Variants in GRIN2B observed in about 807,000 individuals in gnomAD.
GRIN2B encodes glutamate ionotropic receptor NMDA type subunit 2B, also known as glutamate receptor ionotropic, NMDA 2B.
In GRIN2B, 5 loss-of-function variants were observed where a neutral mutation model predicts 114.5. The observed-to-expected ratio is 0.04, with a 90% CI of 0.02 to 0.09. The LOEUF is 0.09. Among genes scored for constraint, GRIN2B ranks in the 10% least tolerant of loss-of-function variants. GRIN2B has a pLI of 1.00. For missense variants in GRIN2B, 1,108 were observed against 1,943.5 expected, an observed-to-expected ratio of 0.57 and a Z score of 8.08; for synonymous variants, 787 against 745.1, an observed-to-expected ratio of 1.06 and a Z score of -0.92.
At chr12:13,592,435 T>TG (rs1565466542) in intron 10 of GRIN2B, among the ~76,000 whole-genome samples, 1 of 152,180 alleles carries the variant, frequency 6.6e-6, no homozygotes, top group Non-Finnish European at 1.5e-5. Flanking sequence ...GCAGACAGGC[T>TG]TCTCTCTGCT....
intron 4 of GRIN2B, among the ~76,000 whole-genome samples, chr12:13,701,322 A>G (rs7966866): frequency 0.85 from 129,828 of 151,908 alleles, 55,757 homozygotes; most frequent in East Asian, 1. Context: ...ACCAACTCTA[A>G]GAAACTTATG....
At chr12:13,651,754 G>C (rs555863478) in intron 5 of GRIN2B, among the ~76,000 whole-genome samples, 2 of 152,184 alleles carry the variant, frequency 1.3e-5, no homozygotes, top group South Asian at 4.1e-4. Context: ...CCAGTAAACA[G>C]AAATTAGTCC....
At chr12:13,928,302 C>CAAA (rs745858482) in intron 2 of GRIN2B, among the ~76,000 whole-genome samples, 1 of 88,054 alleles carries the variant, frequency 1.1e-5, no homozygotes, top group Non-Finnish European at 2.3e-5. Flanking sequence ...GACTTCATCT[C>CAAA]AAAAAAAAAA....
chr12:13,566,304 T>C (rs1050118705), intron 13 of GRIN2B, among the ~76,000 whole-genome samples: 5 of 152,200 alleles, frequency 3.3e-5, no homozygotes, highest in African/African-American at 1.2e-4. Context: ...GACATTTGAG[T>C]TCACCTCTCA....
At chr12:13,829,586 A>G (rs1447585110) in intron 3 of GRIN2B, among the ~76,000 whole-genome samples, 1 of 152,200 alleles carries the variant, frequency 6.6e-6, no homozygotes, top group African/African-American at 2.4e-5. Context: ...AGACCCAATG[A>G]TAATGCAGGT....
intron 10 of GRIN2B, among the ~76,000 whole-genome samples, chr12:13,591,100 A>G (rs1591626128): frequency 6.6e-6 from 1 of 152,134 alleles, no homozygotes; most frequent in Non-Finnish European, 1.5e-5. Flanking sequence ...GGGTCTAAGC[A>G]CTGCAACTCG....
intron 2 of GRIN2B, among the ~76,000 whole-genome samples, chr12:13,915,647 TTTTTA>T (rs773982182): frequency 2.0e-5 from 3 of 152,178 alleles, no homozygotes; most frequent in Non-Finnish European, 4.4e-5. Context: ...AGAAACTGAA[TTTTTA>T]TTTTATTTAA....
At chr12:13,858,173 A>G (rs1343687231) in intron 3 of GRIN2B, among the ~76,000 whole-genome samples, 1 of 152,234 alleles carries the variant, frequency 6.6e-6, no homozygotes. Context: ...CAATGAAAAC[A>G]TTAAATGAGA....
Position 13,554,529 on chromosome 12 carries a change from G to A in GRIN2B, c.*8254C>T, listed in dbSNP as rs1051161399. 1.3e-5 allele frequency: 2 copies of A among 152,130 alleles called. No individual in the cohort carries two copies. Among genetic ancestry groups the A allele is most frequent in the African/African-American group, 2.4e-5 (1 of 41,428 alleles). 9.4% of individuals were successfully genotyped at this position (152,130 alleles called of 1,614,324 possible). On this transcript the variant is annotated 3_prime_UTR_variant, in exon 14 of 14. Coordinates refer to ENST00000609686, the MANE Select transcript of GRIN2B (RefSeq NM_000834.5). ...AAACAAATGTTATTCAGCTTGTCTG[G>A]ATTATGGGACACACACATAGTCAAG...
intron 2 of GRIN2B, among the ~76,000 whole-genome samples, chr12:13,887,889 A>G (rs1436472332): frequency 1.3e-5 from 2 of 152,180 alleles, no homozygotes; most frequent in Non-Finnish European, 2.9e-5. Context: ...AAACTGTGTC[A>G]TGTCCTCAAA....
intron 4 of GRIN2B, among the ~76,000 whole-genome samples, chr12:13,737,455 C>T (rs907305736): frequency 2.6e-5 from 4 of 152,098 alleles, no homozygotes; most frequent in Admixed American, 2.6e-4. Context: ...TTGTGATCTG[C>T]CTGCCTCAGC....
intron 2 of GRIN2B, among the ~76,000 whole-genome samples, chr12:13,969,718 C>T (rs140490281): frequency 3.9e-5 from 6 of 152,216 alleles, no homozygotes; most frequent in Admixed American, 1.3e-4. Context: ...GTCTCAGTTG[C>T]GTAAATGCAG....
intron 2 of GRIN2B, among the ~76,000 whole-genome samples, chr12:13,875,937 C>T (rs749131374): frequency 1.8e-4 from 27 of 152,146 alleles, no homozygotes; most frequent in Non-Finnish European, 3.8e-4. Context: ...CTCCAAGCAG[C>T]CATTAGACTA....
chr12:13,951,954 T>C (rs1460302446), intron 2 of GRIN2B, among the ~76,000 whole-genome samples: 3 of 152,196 alleles, frequency 2.0e-5, no homozygotes, highest in African/African-American at 7.2e-5. Context: ...TTGCAATAGA[T>C]TAATACATTT....
intron 3 of GRIN2B, among the ~76,000 whole-genome samples, chr12:13,804,372 G>C (rs970993058): frequency 9.9e-5 from 15 of 151,792 alleles, no homozygotes; most frequent in African/African-American, 3.1e-4. Flanking sequence ...CTTTCATATA[G>C]TCTTATGCCT....
chr12:13,595,437 G>A (rs565086990), intron 10 of GRIN2B, among the ~76,000 whole-genome samples: 4 of 152,240 alleles, frequency 2.6e-5, no homozygotes, highest in African/African-American at 9.6e-5. Flanking sequence ...AGACCACAGG[G>A]ATATTTAAGA....
At chr12:13,763,806 A>G (rs1236347339) in intron 3 of GRIN2B, among the ~76,000 whole-genome samples, 2 of 152,148 alleles carry the variant, frequency 1.3e-5, no homozygotes, top group East Asian at 1.9e-4. Flanking sequence ...CTGCAATACA[A>G]ATTGTGTTCA....
chr12:13,978,370 TCTCA>T (rs1863067068), intron 2 of GRIN2B, among the ~76,000 whole-genome samples: 1 of 152,132 alleles, frequency 6.6e-6, no homozygotes, highest in Admixed American at 6.5e-5. Flanking sequence ...GATCCCACCC[TCTCA>T]CTCTGATTAC....
At chr12:13,874,007 C>T (rs1010311275) in intron 2 of GRIN2B, among the ~76,000 whole-genome samples, 7 of 152,272 alleles carry the variant, frequency 4.6e-5, no homozygotes, top group East Asian at 1.9e-4. Flanking sequence ...AATCTCTGAG[C>T]CAGCAGATGA....
Sources: gnomAD v4.1 joint callset for allele counts (sites outside exome capture counted in the v4.1 genomes callset) on GRCh38, gnomAD v4.1.1 for gene constraint, MANE v1.5 for transcripts, NCBI Gene and HGNC (gene_info 2026-07-23, HGNC 2026-07-21) for gene names.